Variants in USH2A observed in about 807,000 individuals in gnomAD.
The protein encoded by USH2A is Usher syndrome 2A (autosomal recessive, mild).
Under a neutral mutation model 538.9 loss-of-function variants are expected in USH2A, and 443 were observed. The ratio of observed to expected loss-of-function variants is 0.82; its 90% CI spans 0.76 to 0.89. The LOEUF (loss-of-function observed/expected upper bound fraction) is 0.89, where lower values mean the gene tolerates loss of function less well. Among genes scored for constraint, USH2A ranks in the 40% least tolerant of loss-of-function variants. The pLI, the probability that USH2A is intolerant of heterozygous loss-of-function variation, is 0.00. For missense variants in USH2A, 6,633 were observed against 6,324.8 expected (o/e 1.05, Z -1.65); for synonymous variants, 2,413 against 2,273.5 (o/e 1.06, Z -1.75).
chr1:216,382,055 T>A (rs1026726415), intron 3 of USH2A, among the ~76,000 whole-genome samples: 1 of 152,212 alleles, frequency 6.6e-6, no homozygotes, highest in Non-Finnish European at 1.5e-5. Flanking sequence ...TTTGTTCTAA[T>A]ACTGGATGAT....
Position 216,199,639 on chromosome 1 carries a change from C to T in USH2A, c.3799G>A (p.Ala1267Thr). 6.2e-7 allele frequency: 1 copy of T among 1,614,046 alleles called. No homozygotes were observed. The highest frequency in any genetic ancestry group is 8.5e-7 in the Non-Finnish European group (1 of 1,180,000). Residue 1267 changes from alanine (A) to threonine (T), a missense_variant, in exon 17 of 72, where the codon GCG becomes ACG. By Grantham distance (58) the Ala-to-Thr change is moderately conservative. Coordinates refer to ENST00000307340, the MANE Select transcript of USH2A (RefSeq NM_206933.4). ...TELHVEWSPP[A>T]ELNGIIIRYE... The stretch of plus-strand genomic sequence containing the variant: ...CTTGGATTCTTACCATTTAGTTCCG[C>T]TGGTGGAGACCATTCTACATGAAGT...
intron 32 of USH2A, among the ~76,000 whole-genome samples, chr1:216,013,953 G>C (rs1668640916): frequency 6.6e-6 from 1 of 152,204 alleles, no homozygotes; most frequent in Admixed American, 6.5e-5. Flanking sequence ...AAACCATTGT[G>C]ATTAAATAGC....
chr1:216,312,538 C>T (rs544187625), intron 9 of USH2A, among the ~76,000 whole-genome samples: 1 of 152,232 alleles, frequency 6.6e-6, no homozygotes, highest in East Asian at 1.9e-4. Context: ...CATCTTCAAA[C>T]TCAGATTCTT....
At chr1:216,316,815 C>T (rs932543262) in intron 9 of USH2A, among the ~76,000 whole-genome samples, 2 of 151,972 alleles carry the variant, frequency 1.3e-5, no homozygotes, top group African/African-American at 4.8e-5. Flanking sequence ...AAACAAACAA[C>T]CCCATTAAAA....
chr1:216,199,992 T>G lies in USH2A; in HGVS notation c.3446A>C (p.Glu1149Ala). 6.2e-7 allele frequency: 1 copy of G among 1,614,138 alleles called. No homozygotes were observed. Among genetic ancestry groups the G allele is most frequent in the Non-Finnish European group, 8.5e-7 (1 of 1,180,002 alleles). The change falls in exon 17 of 72, where the codon GAG becomes GCG. Residue 1149 changes from glutamate (E) to alanine (A), a missense_variant. Coordinates refer to ENST00000307340, the MANE Select transcript of USH2A (RefSeq NM_206933.4). Reference sequence around the variant, plus strand: ...GATATAACTTAAAGTCAAGTTTCCCTCTGGGACCCCTGGTTTTGTCTTGTA... The same window carrying G: ...GATATAACTTAAAGTCAAGTTTCCCGCTGGGACCCCTGGTTTTGTCTTGTA... The part of the protein sequence containing the change: ...VTYKTKPGVP[E>A]GNLTLSYIIP...
At chr1:216,077,774 T>C (rs1055480992) in intron 27 of USH2A, among the ~76,000 whole-genome samples, 1 of 150,006 alleles carries the variant, frequency 6.7e-6, no homozygotes, top group Non-Finnish European at 1.5e-5. Context: ...TAGTAATTTA[T>C]ATATATAATT....
At chr1:215,713,116 C>T (rs1659386087) in intron 61 of USH2A, among the ~76,000 whole-genome samples, 1 of 152,172 alleles carries the variant, frequency 6.6e-6, no homozygotes, top group African/African-American at 2.4e-5. Flanking sequence ...CAGAAGAAAA[C>T]TTTTCCTTTT....
chr1:215,822,029 G>T (rs1663029845), intron 47 of USH2A, among the ~76,000 whole-genome samples: 1 of 151,676 alleles, frequency 6.6e-6, no homozygotes, highest in East Asian at 1.9e-4. Flanking sequence ...CTTTAGGTTT[G>T]TGCTATATTT....
chr1:216,246,693 C>G lies in USH2A; in HGVS notation c.2701G>C (p.Glu901Gln), dbSNP rs1572088169. Residue 901 changes from glutamate to glutamine, a missense_variant, in exon 13 of 72, where the codon GAG (glutamate) becomes CAG (glutamine). By Grantham distance (29) the Glu-to-Gln change is conservative. Coordinates refer to ENST00000307340, the MANE Select transcript of USH2A (RefSeq NM_206933.4). ...GGTAATGTCCCCAAGGAATCACACT[C>G]ACACATCTGGCAGTGTTGAAAATTG... The part of the protein sequence containing the change: ...IDNFQHCQMC[E>Q]CDSLGTLPGT... 1.9e-6 allele frequency: 3 copies of G among 1,614,006 alleles called. No individual in the cohort carries two copies. Among genetic ancestry groups the G allele is most frequent in the African/African-American group, 1.3e-5 (1 of 74,924 alleles).
rs149643681 is a variant in USH2A, at chr1:216,316,444, C to T, written c.1644+5439G>A. On this transcript the variant is annotated intron_variant, in intron 9 of 71. Coordinates refer to ENST00000307340, the MANE Select transcript of USH2A (RefSeq NM_206933.4). The stretch of plus-strand genomic sequence containing the variant: ...TTTGCTTTAGGAGGTTAAGAAGCTC[C>T]GAGTCTTTCAAGGCCAGGTAGTTCA... Among the ~76,000 whole-genome samples, 135 of 152,158 alleles carry T rather than the reference C, an allele frequency of 8.9e-4. 1 individual carries two copies. Among genetic ancestry groups the T allele is most frequent in the African/African-American group, 3.2e-3 (131 of 41,534 alleles).
intron 21 of USH2A, among the ~76,000 whole-genome samples, chr1:216,167,112 T>TTA (rs144240339): frequency 0.018 from 2,729 of 151,912 alleles, 74 homozygotes; most frequent in African/African-American, 0.062. Context: ...GTGAGCCTCC[T>TTA]TATATATATA....
intron 9 of USH2A, among the ~76,000 whole-genome samples, 185 bp from the exon 10 acceptor site, chr1:216,292,555 T>C (rs1210301501): frequency 6.6e-6 from 1 of 152,188 alleles, no homozygotes; most frequent in African/African-American, 2.4e-5. Context: ...TAGGGTGGAA[T>C]TGTAAAAGTG....
At chr1:216,229,579 T>C (rs2035636096) in intron 14 of USH2A, among the ~76,000 whole-genome samples, 1 of 152,162 alleles carries the variant, frequency 6.6e-6, no homozygotes, top group African/African-American at 2.4e-5. Context: ...CCTCCCAAAG[T>C]GCTGGGATTA....
chr1:216,406,943 G>A lies in USH2A; in HGVS notation c.651+11571C>T, dbSNP rs2039407071. On this transcript the variant is annotated intron_variant, in intron 3 of 71. Transcript: ENST00000307340. ...TACATCCATAATGTAAACTTTCTTG[G>A]TCACCTCTACCACAGTGAAATTGGC... 3.3e-5 allele frequency among the ~76,000 whole-genome samples: 5 copies of A among 152,002 alleles called. No individual in the cohort carries two copies. The South Asian group carries it at 1.0e-3, about 32-fold the overall frequency.
intron 30 of USH2A, among the ~76,000 whole-genome samples, chr1:216,054,006 G>A (rs1323853568): frequency 2.0e-5 from 3 of 152,198 alleles, no homozygotes; most frequent in Non-Finnish European, 4.4e-5. Flanking sequence ...GAGGGGAAGA[G>A]CATTGGCCTA....
intron 46 of USH2A, among the ~76,000 whole-genome samples, chr1:215,840,525 A>C (rs1449032738): frequency 1.3e-5 from 2 of 151,990 alleles, no homozygotes; most frequent in African/African-American, 4.8e-5. Flanking sequence ...ATCTGTTTCC[A>C]CTCTCCTCAG....
chr1:216,272,525 GT>G (rs1447451342), intron 11 of USH2A, among the ~76,000 whole-genome samples: 4 of 151,814 alleles, frequency 2.6e-5, no homozygotes, highest in Non-Finnish European at 5.9e-5. Flanking sequence ...ATTTTGAATT[GT>G]TCTTTTTTCC....
intron 38 of USH2A, among the ~76,000 whole-genome samples, chr1:215,932,058 T>C (rs1183870091): frequency 6.6e-6 from 1 of 151,982 alleles, no homozygotes; most frequent in Non-Finnish European, 1.5e-5. Flanking sequence ...ACTCTTTTCT[T>C]ATTATGTTTT....
intron 61 of USH2A, among the ~76,000 whole-genome samples, chr1:215,721,691 C>A (rs1454920283): frequency 6.6e-6 from 1 of 151,846 alleles, no homozygotes; most frequent in Non-Finnish European, 1.5e-5. Flanking sequence ...ATTTGTCTAG[C>A]CCAAATTAGA....
Sources: gnomAD v4.1 joint callset for allele counts (sites outside exome capture counted in the v4.1 genomes callset) on GRCh38, gnomAD v4.1.1 for gene constraint, MANE v1.5 for transcripts, NCBI Gene and HGNC (gene_info 2026-07-23, HGNC 2026-07-21) for gene names.